Variants in MDFIC observed in about 807,000 individuals in gnomAD.
MDFIC encodes MyoD family inhibitor domain containing.
Under a neutral mutation model 23.2 loss-of-function variants are expected in MDFIC, and 17 were observed. That is an observed-to-expected ratio of 0.73 (90% CI 0.50 to 1.10). The LOEUF (loss-of-function observed/expected upper bound fraction) is 1.10. Ranked by LOEUF, MDFIC falls within the 50% of genes least tolerant of loss-of-function variation. MDFIC has a pLI of 0.00. For missense variants in MDFIC, 356 were observed against 316.6 expected (o/e 1.12, Z -0.95); for synonymous variants, 120 against 115.2 (o/e 1.04, Z -0.27).
chr7:114,940,510 G>A (rs576814086), intron 2 of MDFIC, among the ~76,000 whole-genome samples: 80 of 152,026 alleles, frequency 5.3e-4, no homozygotes, highest in African/African-American at 1.8e-3. Flanking sequence ...CTAATTGTAC[G>A]GACTCTTCTT....
At chr7:114,943,681 G>T (rs1792591731) in intron 3 of MDFIC, among the ~76,000 whole-genome samples, 1 of 152,160 alleles carries the variant, frequency 6.6e-6, no homozygotes, top group Admixed American at 6.5e-5. Flanking sequence ...CTCTGCTATT[G>T]TGAAACACAT....
chr7:114,954,139 C>T (rs1792836500), intron 3 of MDFIC, among the ~76,000 whole-genome samples: 2 of 152,216 alleles, frequency 1.3e-5, no homozygotes, highest in Admixed American at 1.3e-4. Context: ...TTCCACCCTG[C>T]ACAACATATT....
chr7:114,999,335 A>G (rs1470348519), intron 4 of MDFIC, among the ~76,000 whole-genome samples: 1 of 150,668 alleles, frequency 6.6e-6, no homozygotes, highest in East Asian at 1.9e-4. Context: ...TTCAACAATG[A>G]TTCTTTTTTT....
chr7:115,013,036 A>G (rs1015033404), intron 4 of MDFIC, among the ~76,000 whole-genome samples: 1 of 152,318 alleles, frequency 6.6e-6, no homozygotes, highest in Non-Finnish European at 1.5e-5. Flanking sequence ...TGTTAATTCA[A>G]TGGAATACTA....
At chr7:114,958,821 C>T (rs1282567911) in intron 3 of MDFIC, among the ~76,000 whole-genome samples, 1 of 152,088 alleles carries the variant, frequency 6.6e-6, no homozygotes, top group African/African-American at 2.4e-5. Context: ...AAATATGCAG[C>T]CCATTACTTA....
chr7:114,946,641 TA>T (rs1045522499), intron 3 of MDFIC, among the ~76,000 whole-genome samples: 2 of 152,328 alleles, frequency 1.3e-5, no homozygotes, highest in African/African-American at 4.8e-5. Flanking sequence ...ATCCCCATTC[TA>T]TTTAACCCAT....
intron 3 of MDFIC, among the ~76,000 whole-genome samples, chr7:114,964,040 A>G (rs1484004413): frequency 6.6e-6 from 1 of 152,172 alleles, no homozygotes; most frequent in East Asian, 1.9e-4. Context: ...GTTTTTCTTC[A>G]AGTGCTGAAA....
At chr7:114,923,219 TG>T in intron 2 of MDFIC, 92 bp downstream of exon 2, 2 of 1,448,682 alleles carry the variant, frequency 1.4e-6, no homozygotes, top group Non-Finnish European at 1.9e-6. Context: ...GGGGGAGTGC[TG>T]TGAGGAGGGG....
At chr7:114,948,700 T>A (rs931809258) in intron 3 of MDFIC, among the ~76,000 whole-genome samples, 1 of 152,198 alleles carries the variant, frequency 6.6e-6, no homozygotes, top group African/African-American at 2.4e-5. Flanking sequence ...CATATATAGA[T>A]ATTGTTCATC....
chr7:114,945,568 CAT>C (rs1191966466), intron 3 of MDFIC, among the ~76,000 whole-genome samples: 2 of 152,058 alleles, frequency 1.3e-5, no homozygotes, highest in Middle Eastern at 3.2e-3. Context: ...GAATTGCTAA[CAT>C]ATTACAGAGA....
intron 2 of MDFIC, among the ~76,000 whole-genome samples, chr7:114,926,083 G>T (rs1397991730): frequency 6.6e-6 from 1 of 152,158 alleles, no homozygotes; most frequent in African/African-American, 2.4e-5. Context: ...ATTTGTCCTG[G>T]TTTGATTAAA....
intron 3 of MDFIC, among the ~76,000 whole-genome samples, chr7:114,948,229 C>T (rs1399681159): frequency 5.3e-5 from 8 of 151,930 alleles, no homozygotes; most frequent in Admixed American, 4.6e-4. Context: ...ATTCTTCTAA[C>T]TCCCTTCTTA....
intron 4 of MDFIC, among the ~76,000 whole-genome samples, chr7:114,997,967 A>G (rs991488219): frequency 4.6e-5 from 7 of 152,174 alleles, no homozygotes; most frequent in South Asian, 2.1e-4. Context: ...AGGATATGGC[A>G]TAGTAGATTT....
intron 4 of MDFIC, among the ~76,000 whole-genome samples, chr7:115,008,023 C>T (rs1791607288): frequency 6.6e-6 from 1 of 151,864 alleles, no homozygotes; most frequent in African/African-American, 2.4e-5. Flanking sequence ...TTGTAAAATG[C>T]ATCTCTTTAG....
intron 3 of MDFIC, among the ~76,000 whole-genome samples, chr7:114,959,832 A>AATAATAATT (rs1792951692): frequency 6.7e-6 from 1 of 149,644 alleles, no homozygotes; most frequent in Non-Finnish European, 1.5e-5. Flanking sequence ...GACTAATAAT[A>AATAATAATT]ATAATAATAA....
Position 114,922,521 on chromosome 7 carries a change from C to G in MDFIC, c.-223C>G. On this transcript the variant is annotated 5_prime_UTR_variant, in exon 1 of 5. Coordinates refer to ENST00000393486, the MANE Select transcript of MDFIC (RefSeq NM_001166345.3). ...GACGCGCAGGGGCGGCCGCCGCCGTCGTCAGGCCACCGGGGCGAAAATGCG... is the reference window on the plus strand; with the variant it reads ...GACGCGCAGGGGCGGCCGCCGCCGTGGTCAGGCCACCGGGGCGAAAATGCG... The G allele has an allele frequency of 7.9e-7, 1 of 1,261,314 alleles. No homozygotes were observed. The highest frequency in any genetic ancestry group is 1.0e-6 in the Non-Finnish European group (1 of 997,066). The allele number at this position is 1,261,314 out of a possible 1,614,324, so 78.1% of individuals were successfully genotyped here. A position where few individuals can be genotyped will look rare whatever the true frequency, so the allele number is the denominator to read the frequency against.
At chr7:114,958,701 A>G (rs922507535) in intron 3 of MDFIC, among the ~76,000 whole-genome samples, 7 of 152,204 alleles carry the variant, frequency 4.6e-5, no homozygotes, top group Non-Finnish European at 8.8e-5. Context: ...CAGTGAGCTG[A>G]GATTGCACCA....
intron 3 of MDFIC, among the ~76,000 whole-genome samples, chr7:114,945,529 A>T (rs1445649394): frequency 2.0e-5 from 3 of 152,200 alleles, no homozygotes; most frequent in African/African-American, 4.8e-5. Flanking sequence ...ATGGTTTTTC[A>T]GGGTGCGGAT....
chr7:114,954,435 T>A (rs1792845157), intron 3 of MDFIC, among the ~76,000 whole-genome samples: 1 of 152,230 alleles, frequency 6.6e-6, no homozygotes, highest in Non-Finnish European at 1.5e-5. Flanking sequence ...AGACCACACA[T>A]CGGTCGGTCT....
Sources: allele counts gnomAD v4.1 joint callset (sites outside exome capture counted in the v4.1 genomes callset), GRCh38; gene constraint gnomAD v4.1.1; transcripts MANE v1.5; gene names NCBI Gene and HGNC (gene_info 2026-07-23, HGNC 2026-07-21).